The following LOXL2 variants were observed in gnomAD, a reference collection of about 807,000 sequenced individuals.
LOXL2 encodes lysyl oxidase like 2, also known as lysyl oxidase homolog 2.
In LOXL2, 70 loss-of-function variants were observed where a neutral mutation model predicts 93.0. That is an observed-to-expected ratio of 0.75 (90% CI 0.62 to 0.92). LOXL2 has a LOEUF of 0.92. LOXL2 is among the 40% of genes least tolerant of loss of function. The probability of loss-of-function intolerance (pLI) is 0.00; values close to 1 mark genes in which losing one functional copy is unlikely to be tolerated. For synonymous variants in LOXL2, 438 were observed against 413.2 expected, an observed-to-expected ratio of 1.06 and a Z score of -0.73; for missense variants, 973 against 1,054.9, an observed-to-expected ratio of 0.92 and a Z score of 1.08.
intron 2 of LOXL2, chr8:23,366,037 C>T (rs2117211314): frequency 6.6e-6 from 1 of 152,328 alleles, no homozygotes; most frequent in South Asian, 2.1e-4. Context: ...CGTGCCTGCT[C>T]CTGATAGGGA....
intron 3 of LOXL2, among the ~76,000 whole-genome samples, chr8:23,356,929 C>T (rs956058350): frequency 3.3e-5 from 5 of 152,142 alleles, no homozygotes; most frequent in Non-Finnish European, 7.4e-5. Context: ...GGACAAGGGC[C>T]ATGTTTTCTT....
At chr8:23,368,578 C>A in intron 1 of LOXL2, 144 bp from the exon 2 acceptor site, 3 of 585,830 alleles carry the variant, frequency 5.1e-6, no homozygotes, top group Non-Finnish European at 9.1e-6. Flanking sequence ...TACATTTCCA[C>A]CATGCAGGGC....
intron 3 of LOXL2, among the ~76,000 whole-genome samples, chr8:23,358,315 A>G (rs1804231102): frequency 6.6e-6 from 1 of 152,340 alleles, no homozygotes; most frequent in African/African-American, 2.4e-5. Context: ...ATCCTTTCCT[A>G]TGCTATACAG....
chr8:23,313,950 GA>G (rs1412625641), intron 9 of LOXL2, among the ~76,000 whole-genome samples: 4 of 69,484 alleles, frequency 5.8e-5, no homozygotes, highest in African/African-American at 1.6e-4. Flanking sequence ...AAATTTACAA[GA>G]AAAAAACAAC....
intron 1 of LOXL2, among the ~76,000 whole-genome samples, chr8:23,388,818 G>A (rs2117233976): frequency 6.6e-6 from 1 of 152,080 alleles, no homozygotes. Flanking sequence ...GGAGGGTAGG[G>A]GAAAAAAAGA....
At chr8:23,375,160 A>G (rs1386218796) in intron 1 of LOXL2, among the ~76,000 whole-genome samples, 2 of 152,188 alleles carry the variant, frequency 1.3e-5, no homozygotes. Context: ...AGCTTTCTAC[A>G]TATGGCTAGC....
At chr8:23,361,144 C>T (rs1263372719) in intron 2 of LOXL2, among the ~76,000 whole-genome samples, 1 of 152,142 alleles carries the variant, frequency 6.6e-6, no homozygotes, top group Non-Finnish European at 1.5e-5. Context: ...CGTGATCTGC[C>T]TGCCTCAGCC....
intron 1 of LOXL2, among the ~76,000 whole-genome samples, chr8:23,394,323 G>A (rs2117238613): frequency 1.3e-5 from 2 of 150,776 alleles, no homozygotes; most frequent in Admixed American, 1.3e-4. Context: ...AACTCGGGAG[G>A]TGGAGGTTGC....
chr8:23,338,996 C>T (rs935401248), intron 4 of LOXL2, among the ~76,000 whole-genome samples: 1 of 152,224 alleles, frequency 6.6e-6, no homozygotes, highest in Non-Finnish European at 1.5e-5. Context: ...TCCATGTTCT[C>T]TTCCAGGCAG....
intron 1 of LOXL2, among the ~76,000 whole-genome samples, chr8:23,402,101 C>A (rs1800158817): frequency 6.6e-6 from 1 of 151,994 alleles, no homozygotes; most frequent in African/African-American, 2.4e-5. Context: ...AACATGCACA[C>A]AAACACAAAT....
intron 10 of LOXL2, among the ~76,000 whole-genome samples, chr8:23,304,640 G>C (rs1419115414): frequency 6.6e-6 from 1 of 152,214 alleles, no homozygotes; most frequent in Non-Finnish European, 1.5e-5. Flanking sequence ...GATTGAATAA[G>C]ATGAACGGCG....
At chr8:23,308,870 G>A (rs968153737) in intron 10 of LOXL2, among the ~76,000 whole-genome samples, 3 of 152,018 alleles carry the variant, frequency 2.0e-5, no homozygotes, top group African/African-American at 4.8e-5. Context: ...CTAGAGGCAC[G>A]GCTGCGTTTA....
intron 13 of LOXL2, 47 bp from the exon 14 acceptor site, chr8:23,298,169 G>C (rs368243351): frequency 6.8e-7 from 1 of 1,462,616 alleles, no homozygotes. Flanking sequence ...TGAGATGCTC[G>C]GGCCTTGCCT....
intron 4 of LOXL2, among the ~76,000 whole-genome samples, chr8:23,338,403 G>T (rs1485238824): frequency 1.3e-5 from 2 of 151,300 alleles, no homozygotes; most frequent in East Asian, 3.9e-4. Context: ...AGCCAGTCCA[G>T]TAAGGCAGCA....
intron 11 of LOXL2, among the ~76,000 whole-genome samples, chr8:23,302,544 T>TA (rs77967537): frequency 0.14 from 21,328 of 152,130 alleles, 2,713 homozygotes; most frequent in African/African-American, 0.32. Flanking sequence ...GATCGGCAAT[T>TA]AGAGTGTAGG....
In LOXL2 at chr8:23,302,080, C is replaced by T. The variant is rs375417030; in HGVS notation, c.2080G>A (p.Asp694Asn). 1.4e-5 allele frequency: 22 copies of T among 1,614,018 alleles called. No individual in the cohort carries two copies. Among genetic ancestry groups the T allele is most frequent in the African/African-American group, 5.3e-5 (4 of 74,890 alleles). Reference protein sequence around the residue: ...GCWDMYRHDIDCQWVDITDVP... With the variant: ...GCWDMYRHDINCQWVDITDVP... ...TCAGTGATGTCAACCCACTGGCAGT[C>T]GATGTCATGGCGGTACATGTCCCAG... The change falls in exon 12 of 14, where the codon GAC (aspartate) becomes AAC (asparagine). Residue 694 changes from aspartate (D) to asparagine (N), a missense_variant. Coordinates refer to ENST00000389131, the MANE Select transcript of LOXL2 (RefSeq NM_002318.3).
rs1554475672 is a variant in LOXL2, at chr8:23,307,953, GAA to G, written c.1880+1713_1880+1714del. Among the ~76,000 whole-genome samples the G allele has an allele frequency of 1.7e-4, 14 of 83,524 alleles. 2 individuals are homozygous for G. Among genetic ancestry groups the G allele is most frequent in the South Asian group, 8.5e-4 (2 of 2,354 alleles). 54.8% of individuals were successfully genotyped at this position (83,524 alleles called of 152,430 possible). The stretch of plus-strand genomic sequence containing the variant: ...GTGACTAGGTCATCAGCTGCGATAT[GAA>G]AAAAAAAAAAAAAAAAAAGCCAAAG... On this transcript the variant is annotated intron_variant, in intron 10 of 13. Transcript: ENST00000389131.
Position 23,359,046 on chromosome 8 carries a change from G to A in LOXL2, c.531+1044C>T, listed in dbSNP as rs1298650090. Among the ~76,000 whole-genome samples, 3 of 151,978 alleles carry A rather than the reference G, an allele frequency of 2.0e-5. No homozygotes were observed. The East Asian group carries it at 5.8e-4, about 29-fold the overall frequency. On this transcript the variant is annotated intron_variant, in intron 3 of 13. Transcript: ENST00000389131. ...TTTTTGTATTTTTAGTAGAGACGGGGTTTCACCGTGTTAGCCAGGATGGTC... is the reference window on the plus strand; with the variant it reads ...TTTTTGTATTTTTAGTAGAGACGGGATTTCACCGTGTTAGCCAGGATGGTC...
At chr8:23,367,573 T>C (rs955202641) in intron 2 of LOXL2, among the ~76,000 whole-genome samples, 2 of 152,052 alleles carry the variant, frequency 1.3e-5, no homozygotes, top group Non-Finnish European at 2.9e-5. Context: ...AGCAAGAGGC[T>C]TTCCTAACAG....
Sources: allele counts gnomAD v4.1 joint callset (sites outside exome capture counted in the v4.1 genomes callset), GRCh38; gene constraint gnomAD v4.1.1; transcripts MANE v1.5; gene names NCBI Gene and HGNC (gene_info 2026-07-23, HGNC 2026-07-21).